SORBS2: variants seen among roughly 807,000 people sequenced by gnomAD.
SORBS2 encodes sorbin and SH3 domain-containing protein 2.
Under a neutral mutation model 97.7 loss-of-function variants are expected in SORBS2, and 46 were observed. That is an observed-to-expected ratio of 0.47 (90% CI 0.37 to 0.60). The LOEUF is 0.60. Among genes scored for constraint, SORBS2 ranks in the 20% least tolerant of loss-of-function variants. The probability of loss-of-function intolerance (pLI) is 0.00; values close to 1 mark genes in which losing one functional copy is unlikely to be tolerated. For synonymous variants in SORBS2, 476 were observed against 473.4 expected (o/e 1.01, Z -0.07); for missense variants, 1,316 against 1,282.3 (o/e 1.03, Z -0.40).
At chr4:185,862,809 G>T (rs1050410789) in intron 1 of SORBS2, among the ~76,000 whole-genome samples, 1 of 152,178 alleles carries the variant, frequency 6.6e-6, no homozygotes, top group African/African-American at 2.4e-5. Context: ...CACTGAGGGT[G>T]GTGGTGGGGC....
At chr4:185,927,428 C>A (rs1431399617) in intron 1 of SORBS2, among the ~76,000 whole-genome samples, 1 of 151,658 alleles carries the variant, frequency 6.6e-6, no homozygotes, top group Non-Finnish European at 1.5e-5. Context: ...CTAATGCTCT[C>A]CCTCCCCTTG....
chr4:185,802,315 G>C (rs1486235258), intron 1 of SORBS2, among the ~76,000 whole-genome samples: 1 of 152,106 alleles, frequency 6.6e-6, no homozygotes, highest in Non-Finnish European at 1.5e-5. Context: ...TCTTTCAATG[G>C]CTTCCTGGCT....
intron 4 of SORBS2, 59 bp from the exon 15 acceptor site, chr4:185,638,221 C>T (rs1253788487): frequency 8.8e-6 from 9 of 1,025,870 alleles, no homozygotes; most frequent in South Asian, 7.8e-5. Flanking sequence ...GTGAGGGAAA[C>T]GCTGTGTGGC....
intron 2 of SORBS2, among the ~76,000 whole-genome samples, chr4:185,687,005 CT>C (rs1419772547): frequency 6.6e-6 from 1 of 152,146 alleles, no homozygotes; most frequent in Non-Finnish European, 1.5e-5. Context: ...GATTTTGATA[CT>C]TGCTATGATA....
intron 2 of SORBS2, chr4:185,772,293 T>G (rs2098976144): frequency 6.6e-6 from 1 of 152,198 alleles, no homozygotes; most frequent in Non-Finnish European, 1.5e-5. Flanking sequence ...GAGAGCTCCT[T>G]TATTCTCAGT....
chr4:185,694,528 T>C (rs778561701), intron 2 of SORBS2, among the ~76,000 whole-genome samples: 1 of 152,158 alleles, frequency 6.6e-6, no homozygotes, highest in Non-Finnish European at 1.5e-5. Flanking sequence ...TGTCCTAATT[T>C]GTGACAACAA....
At chr4:185,799,837 G>T (rs73873388) in intron 1 of SORBS2, among the ~76,000 whole-genome samples, 1 of 152,120 alleles carries the variant, frequency 6.6e-6, no homozygotes, top group Non-Finnish European at 1.5e-5. Flanking sequence ...AGAGGGTTTC[G>T]TACCTCGGCT....
chr4:185,920,423 T>C (rs954750731), intron 1 of SORBS2, among the ~76,000 whole-genome samples: 1 of 152,206 alleles, frequency 6.6e-6, no homozygotes, highest in African/African-American at 2.4e-5. Flanking sequence ...CAAGGTACAA[T>C]AGTGCTGAAA....
rs1214120347 is a variant in SORBS2, at chr4:185,606,685, T to G, written c.2796+5095A>C. ...TAGGCAGTTGGGTTTCTCCTCCTCCTCCTCCTCTTCAATGTGCAGGTGTGG... is the reference window on the plus strand; with the variant it reads ...TAGGCAGTTGGGTTTCTCCTCCTCCGCCTCCTCTTCAATGTGCAGGTGTGG... On this transcript the variant is annotated intron_variant, in intron 12 of 14. Transcript: ENST00000418609. This position sits in a 1 kb window ranked among gnomAD's most constrained non-coding sequence, Gnocchi z 4.3. 1.0e-6 allele frequency: 1 copy of G among 985,182 alleles called. No individual in the cohort carries two copies. The highest frequency in any genetic ancestry group is 1.2e-6 in the Non-Finnish European group (1 of 829,900). The allele number at this position is 985,182 out of a possible 1,614,324, so 61.0% of individuals were successfully genotyped here.
intron 4 of SORBS2, among the ~76,000 whole-genome samples, chr4:185,668,206 C>T (rs533723902): frequency 2.0e-5 from 3 of 152,268 alleles, no homozygotes; most frequent in African/African-American, 2.4e-5. Flanking sequence ...AAAGCTAAAG[C>T]GTATTCTAAA....
chr4:185,669,380 G>A (rs1189159002), intron 4 of SORBS2, among the ~76,000 whole-genome samples: 1 of 152,156 alleles, frequency 6.6e-6, no homozygotes, highest in East Asian at 1.9e-4. Flanking sequence ...AAAGCTTACT[G>A]TCTCTAAGAC....
chr4:185,629,560 A>ATTTTTTTTTTTTTT (rs201590422), intron 5 of SORBS2, among the ~76,000 whole-genome samples: 1 of 134,082 alleles, frequency 7.5e-6, no homozygotes. Context: ...GAATTTTGTG[A>ATTTTTTTTTTTTTT]TTTGTTTTTT....
At chr4:185,773,118 A>G (rs1019597023) in intron 2 of SORBS2, 1 of 152,052 alleles carries the variant, frequency 6.6e-6, no homozygotes, top group Non-Finnish European at 1.5e-5. Context: ...ATCACCTACC[A>G]TTCTCCAAAA....
intron 1 of SORBS2, among the ~76,000 whole-genome samples, chr4:185,952,762 T>C (rs965664549): frequency 1.3e-5 from 2 of 152,134 alleles, no homozygotes; most frequent in Non-Finnish European, 2.9e-5. Context: ...TGGCAAAAAA[T>C]AAAAAATGTT....
intron 1 of SORBS2, among the ~76,000 whole-genome samples, chr4:185,916,219 A>G (rs926467726): frequency 6.6e-6 from 1 of 152,218 alleles, no homozygotes; most frequent in Non-Finnish European, 1.5e-5. Context: ...GAGTCCAGGT[A>G]GAAGATGGTG....
upstream of SORBS2, among the ~76,000 whole-genome samples, chr4:185,658,560 G>T (rs1330988432): frequency 6.6e-6 from 1 of 152,044 alleles, no homozygotes; most frequent in Non-Finnish European, 1.5e-5. Context: ...CTGCCACTCA[G>T]AAAGTCCTTT....
intron 4 of SORBS2, among the ~76,000 whole-genome samples, chr4:185,666,567 T>C (rs565019590): frequency 6.6e-6 from 1 of 152,336 alleles, no homozygotes; most frequent in African/African-American, 2.4e-5. Context: ...TGTCCTTCAC[T>C]AGAAAAATCT....
At position 185,677,017 on chromosome 4, in the gene SORBS2, G is replaced by C. The variant is rs1309198677; in HGVS notation, c.-46+1406C>G. 3.9e-6 allele frequency: 6 copies of C among 1,550,538 alleles called. No homozygotes were observed. The East Asian group carries it at 1.2e-4, about 32-fold the overall frequency. ...GGTACCACTCTGCAGTCTGAGGACT[G>C]AGAGGCCGCTGCAACTGCAGATTTT... On this transcript the variant is annotated intron_variant, in intron 4 of 20. Transcript: ENST00000284776.
chr4:185,640,284 A>G (rs1484834397), intron 4 of SORBS2, among the ~76,000 whole-genome samples: 1 of 152,236 alleles, frequency 6.6e-6, no homozygotes, highest in Non-Finnish European at 1.5e-5. Flanking sequence ...CCTGTACAGT[A>G]GTTACAAAGG....
Sources: gnomAD v4.1 joint callset for allele counts (sites outside exome capture counted in the v4.1 genomes callset) on GRCh38, gnomAD v4.1.1 for gene constraint, Gnocchi (gnomAD v3.1) non-coding constraint, MANE v1.5 for transcripts, NCBI Gene and HGNC (gene_info 2026-07-23, HGNC 2026-07-21) for gene names.